The following LRRK1 variants were observed in gnomAD, a reference collection of about 807,000 sequenced individuals.
LRRK1 encodes the protein leucine-rich repeat serine/threonine-protein kinase 1.
LRRK1 carries 113 observed loss-of-function variants against 209.1 expected under a neutral mutation model. The ratio of observed to expected loss-of-function variants is 0.54; its 90% CI spans 0.46 to 0.63. The LOEUF (loss-of-function observed/expected upper bound fraction) is 0.63, where lower values mean the gene tolerates loss of function less well. LRRK1 is among the 30% of genes least tolerant of loss of function. The pLI is 0.00. For synonymous variants in LRRK1, 1,144 were observed against 1,099.7 expected, an observed-to-expected ratio of 1.04 and a Z score of -0.80; for missense variants, 2,284 against 2,632.2, an observed-to-expected ratio of 0.87 and a Z score of 2.89.
rs117830712 is a variant in LRRK1, at chr15:100,932,718, T to C, written c.97+7989T>C. Among the ~76,000 whole-genome samples, 195 of 152,342 alleles carry C rather than the reference T, an allele frequency of 1.3e-3. 7 individuals are homozygous for C. In the East Asian group the frequency reaches 0.032, roughly 25 times the overall value. ...CTGTTTCTGGTTTTAGTTCTTCAGG[T>C]AATTATCATTTCTCAATGTAAAGAA... On this transcript the variant is annotated intron_variant, in intron 2 of 33. Transcript: ENST00000388948.
chr15:100,976,570 A>G lies in LRRK1; in HGVS notation c.261+2603A>G, dbSNP rs557945283. ...AACTTACACACCTTTATTCAATGCT[A>G]CTAGGAAGGTACTAGGAATGTGTGC... On this transcript the variant is annotated intron_variant, in intron 3 of 33. Transcript: ENST00000388948. Among the ~76,000 whole-genome samples, 55 of 152,250 alleles carry G rather than the reference A, an allele frequency of 3.6e-4. 2 individuals carry two copies. The highest frequency in any genetic ancestry group is 7.2e-5 in the African/African-American group (3 of 41,472).
Position 101,029,251 on chromosome 15 carries a change from A to G in LRRK1, c.2963+19A>G, listed in dbSNP as rs1003102197. On this transcript the variant is annotated intron_variant, in intron 20 of 33. Transcript: ENST00000388948. ...ATGACAGGTGAGGACACAACTTAAC[A>G]CGCCAGGCTGTGCAGGTTGCTCCCC... 1 of 1,593,030 alleles carries G rather than the reference A, an allele frequency of 6.3e-7. No homozygotes were observed. Among genetic ancestry groups the G allele is most frequent in the Non-Finnish European group, 8.6e-7 (1 of 1,166,964 alleles).
At position 101,073,049 on chromosome 15, in the gene LRRK1, C is replaced by G. The variant is rs150757978; in HGVS notation, c.*4201C>G. Reference sequence around the variant, plus strand: ...CACCTACAACCTCAAGTCCTCAGACCAACCAGCCCAAGAAACATCTCACCA... The same window carrying G: ...CACCTACAACCTCAAGTCCTCAGACGAACCAGCCCAAGAAACATCTCACCA... On this transcript the variant is annotated 3_prime_UTR_variant, in exon 34 of 34. Coordinates refer to ENST00000388948, the MANE Select transcript of LRRK1 (RefSeq NM_024652.6). 5.6e-3 allele frequency: 1,081 copies of G among 193,938 alleles called. 14 individuals are homozygous for G. The highest frequency in any genetic ancestry group is 0.024 in the African/African-American group (1,012 of 42,092). The allele number at this position is 193,938 out of a possible 1,614,324, so 12.0% of individuals were successfully genotyped here. A position where few individuals can be genotyped will look rare whatever the true frequency, so the allele number is the denominator to read the frequency against.
chr15:101,052,422 C>T (rs1596328366), intron 24 of LRRK1, among the ~76,000 whole-genome samples: 1 of 102,786 alleles, frequency 9.7e-6, no homozygotes, highest in East Asian at 2.1e-4. Context: ...CTGTCTGTAG[C>T]CCTAGCGCTG....
intron 2 of LRRK1, among the ~76,000 whole-genome samples, chr15:100,959,912 C>T (rs138373242): frequency 1.3e-5 from 2 of 152,248 alleles, no homozygotes; most frequent in African/African-American, 4.8e-5. Context: ...GGAAAACTCT[C>T]GGTGCCTCAT....
At chr15:100,959,429 C>T (rs572419731) in intron 2 of LRRK1, among the ~76,000 whole-genome samples, 49 of 152,318 alleles carry the variant, frequency 3.2e-4, no homozygotes, top group African/African-American at 1.0e-3. Context: ...AGAGGCAGCC[C>T]GCTGGGAAAT....
In LRRK1 at chr15:101,074,653, C is replaced by T. The variant is rs1471764523; in HGVS notation, c.*5805C>T. On this transcript the variant is annotated 3_prime_UTR_variant, in exon 34 of 34. Transcript: ENST00000388948. ...AACCCCACAACAGGATTTAATTAAC[C>T]TTGCCTTCAAGGTGTACAATAATAG... 6.6e-6 allele frequency: 1 copy of T among 152,124 alleles called. No homozygotes were observed. The highest frequency in any genetic ancestry group is 2.1e-4 in the South Asian group (1 of 4,832). The allele number at this position is 152,124 out of a possible 1,614,324, so 9.4% of individuals were successfully genotyped here.
intron 2 of LRRK1, among the ~76,000 whole-genome samples, chr15:100,954,989 G>T (rs930804347): frequency 6.7e-6 from 1 of 150,164 alleles, no homozygotes; most frequent in South Asian, 2.1e-4. Flanking sequence ...CTAATTGGGG[G>T]TCGTCTGTGG....
intron 20 of LRRK1, among the ~76,000 whole-genome samples, chr15:101,038,038 C>T (rs1255791581): frequency 1.3e-5 from 2 of 152,198 alleles, no homozygotes; most frequent in Non-Finnish European, 2.9e-5. Context: ...TACTACTCAG[C>T]CATATAAAGG....
At chr15:100,969,492 T>C (rs1567206579) in intron 2 of LRRK1, among the ~76,000 whole-genome samples, 2 of 152,330 alleles carry the variant, frequency 1.3e-5, no homozygotes, top group South Asian at 4.1e-4. Context: ...TTTCTTTTTT[T>C]TCAAGTTTTT....
intron 12 of LRRK1, 27 bp downstream of exon 12, chr15:101,015,429 C>T (rs2033488304): frequency 9.5e-6 from 15 of 1,578,452 alleles, no homozygotes; most frequent in Non-Finnish European, 1.3e-5. Context: ...AGACGGTGTT[C>T]CCAGATGAGA....
At chr15:100,930,630 C>T (rs1416115102) in intron 2 of LRRK1, among the ~76,000 whole-genome samples, 1 of 152,244 alleles carries the variant, frequency 6.6e-6, no homozygotes, top group African/African-American at 2.4e-5. Context: ...AGCCCAGGCT[C>T]ACTTGGCATG....
intron 6 of LRRK1, among the ~76,000 whole-genome samples, chr15:100,996,653 G>C (rs1249454359): frequency 6.6e-6 from 1 of 152,178 alleles, no homozygotes; most frequent in African/African-American, 2.4e-5. Context: ...CTATCCATGT[G>C]CATGTTAGTG....
In LRRK1 at chr15:100,957,064, G is replaced by A. The variant is rs2042781030; in HGVS notation, c.98-16740G>A. ...CTTCTATGACCCATTGGTTGTTCAGGAGTATGTGGTTTAATTTCCACATAT... is the reference window on the plus strand; with the variant it reads ...CTTCTATGACCCATTGGTTGTTCAGAAGTATGTGGTTTAATTTCCACATAT... On this transcript the variant is annotated intron_variant, in intron 2 of 33. Transcript: ENST00000388948. Among the ~76,000 whole-genome samples, 4 of 152,078 alleles carry A rather than the reference G, an allele frequency of 2.6e-5. No homozygotes were observed. In the South Asian group the frequency reaches 8.3e-4, roughly 32 times the overall value.
At chr15:100,999,623 C>A (rs1425772577) in intron 6 of LRRK1, among the ~76,000 whole-genome samples, 1 of 152,182 alleles carries the variant, frequency 6.6e-6, no homozygotes, top group Non-Finnish European at 1.5e-5. Context: ...ATTAAGGAAC[C>A]ACTTACATAA....
intron 32 of LRRK1, 89 bp from the exon 33 acceptor site, chr15:101,066,551 C>G: frequency 8.4e-7 from 1 of 1,184,776 alleles, no homozygotes; most frequent in Non-Finnish European, 1.3e-6. Context: ...CTGTTGCCTC[C>G]CTCCCGCACC....
At chr15:101,068,030 A>G (rs1288553360) in intron 33 of LRRK1, among the ~76,000 whole-genome samples, 7 of 152,206 alleles carry the variant, frequency 4.6e-5, no homozygotes, top group Non-Finnish European at 4.4e-5. Context: ...CGCAGGCCGC[A>G]CACACGGGAC....
intron 3 of LRRK1, among the ~76,000 whole-genome samples, chr15:100,975,373 A>T (rs2141655549): frequency 6.6e-6 from 1 of 152,314 alleles, no homozygotes; most frequent in East Asian, 1.9e-4. Context: ...GGGGGATGTG[A>T]CTTCATCCTG....
intron 17 of LRRK1, 69 bp downstream of exon 17, chr15:101,026,206 G>A: frequency 6.7e-7 from 1 of 1,495,726 alleles, no homozygotes; most frequent in Non-Finnish European, 9.2e-7. Context: ...CCTGGGATCA[G>A]CTTGCAGAGA....
Sources: gnomAD v4.1 joint callset for allele counts (sites outside exome capture counted in the v4.1 genomes callset) on GRCh38, gnomAD v4.1.1 for gene constraint, MANE v1.5 for transcripts, NCBI Gene and HGNC (gene_info 2026-07-23, HGNC 2026-07-21) for gene names.